Variants in SLC38A8 observed in about 807,000 individuals in gnomAD.
SLC38A8 encodes amino acid transporter SLC38A8.
Under a neutral mutation model 46.0 loss-of-function variants are expected in SLC38A8, and 65 were observed. The ratio of observed to expected loss-of-function variants is 1.41; its 90% CI spans 1.16 to 1.74. The LOEUF (loss-of-function observed/expected upper bound fraction) is 1.74. Among genes scored for constraint, SLC38A8 ranks in the 40% most tolerant of loss-of-function variants. SLC38A8 has a pLI of 0.00. For synonymous variants in SLC38A8, 447 were observed against 243.7 expected, an observed-to-expected ratio of 1.83 and a Z score of -7.77; for missense variants, 998 against 567.9, an observed-to-expected ratio of 1.76 and a Z score of -7.70.
In SLC38A8 at chr16:84,033,262, A is replaced by G. The variant is rs2085265527; in HGVS notation, c.530+66T>C. 3 of 1,607,198 alleles carry G rather than the reference A, an allele frequency of 1.9e-6. No homozygotes were observed. In the Admixed American group the frequency reaches 5.1e-5, roughly 27 times the overall value. ...CCCCAGCTCCTCTGACCCCAGATGG[A>G]CAGAAACCCTGACACAAACACTCAG... On this transcript the variant is annotated intron_variant, in intron 4 of 10. Coordinates refer to ENST00000299709, the MANE Select transcript of SLC38A8 (RefSeq NM_001080442.3).
chr16:84,034,837 G>T (rs1040511927), intron 3 of SLC38A8, among the ~76,000 whole-genome samples: 1 of 151,820 alleles, frequency 6.6e-6, no homozygotes, highest in Non-Finnish European at 1.5e-5. Context: ...TCTGCATCTG[G>T]ACCTCCCATA....
At chr16:84,012,890 C>T in intron 10 of SLC38A8, 111 bp downstream of exon 10, 1 of 1,215,192 alleles carries the variant, frequency 8.2e-7, no homozygotes, top group South Asian at 1.4e-5. Context: ...TCGCAGGTTT[C>T]TCACCTGCAG....
At chr16:84,022,527 G>C (rs2085106840) in intron 7 of SLC38A8, among the ~76,000 whole-genome samples, 1 of 152,234 alleles carries the variant, frequency 6.6e-6, no homozygotes, top group Admixed American at 6.5e-5. Context: ...GGCTAGGCTG[G>C]AGTTCAGGTC....
intron 7 of SLC38A8, among the ~76,000 whole-genome samples, chr16:84,020,580 G>C (rs969895832): frequency 7.2e-5 from 11 of 152,192 alleles, no homozygotes; most frequent in Non-Finnish European, 1.3e-4. Context: ...GCTGCAGCAC[G>C]AGCCAGATCA....
At chr16:84,013,435 T>TGTTTTTTTTGTTGTTG (rs1555551880) in intron 9 of SLC38A8, among the ~76,000 whole-genome samples, 3 of 130,696 alleles carry the variant, frequency 2.3e-5, no homozygotes, top group African/African-American at 9.5e-5. Flanking sequence ...TTTTTTTTTT[T>TGTTTTTTTTGTTGTTG]TTTTTTTTTT....
At chr16:84,040,573 C>T (rs1351763603) in intron 2 of SLC38A8, among the ~76,000 whole-genome samples, 1 of 152,212 alleles carries the variant, frequency 6.6e-6, no homozygotes, top group African/African-American at 2.4e-5. Context: ...CCCCCAAGCC[C>T]CACCTGCCCT....
At chr16:84,027,520 C>T (rs1043370842) in intron 6 of SLC38A8, among the ~76,000 whole-genome samples, 1 of 152,178 alleles carries the variant, frequency 6.6e-6, no homozygotes, top group African/African-American at 2.4e-5. Context: ...TGGGCGGGGA[C>T]GCTGTGTTTG....
intron 6 of SLC38A8, among the ~76,000 whole-genome samples, chr16:84,028,199 G>C (rs1269378737): frequency 6.6e-6 from 1 of 152,158 alleles, no homozygotes; most frequent in African/African-American, 2.4e-5. Context: ...CTGTGGACTT[G>C]ATTTTACTTT....
intron 6 of SLC38A8, among the ~76,000 whole-genome samples, chr16:84,027,882 A>T (rs2085184346): frequency 6.6e-6 from 1 of 152,154 alleles, no homozygotes; most frequent in African/African-American, 2.4e-5. Context: ...AGAGGTTCTT[A>T]AACTCAGTCC....
intron 6 of SLC38A8, among the ~76,000 whole-genome samples, chr16:84,024,164 G>A (rs2085132174): frequency 6.6e-6 from 1 of 152,260 alleles, no homozygotes; most frequent in African/African-American, 2.4e-5. Flanking sequence ...TTCCCTGGGG[G>A]TATAACCAAC....
chr16:84,022,105 T>C (rs2151117693), intron 7 of SLC38A8, among the ~76,000 whole-genome samples: 1 of 152,332 alleles, frequency 6.6e-6, no homozygotes, highest in South Asian at 2.1e-4. Flanking sequence ...AATTTCAACC[T>C]GAGTTTTTAA....
At chr16:84,028,967 T>C (rs1053625605) in intron 6 of SLC38A8, among the ~76,000 whole-genome samples, 11 of 152,128 alleles carry the variant, frequency 7.2e-5, no homozygotes, top group African/African-American at 2.7e-4. Context: ...CATGACATTC[T>C]ATTAAAAATT....
At chr16:84,039,555 G>A (rs2085343778) in intron 2 of SLC38A8, among the ~76,000 whole-genome samples, 1 of 152,054 alleles carries the variant, frequency 6.6e-6, no homozygotes, top group Non-Finnish European at 1.5e-5. Flanking sequence ...GACCATCCTG[G>A]CCAACACAGT....
intron 8 of SLC38A8, 37 bp downstream of exon 8, chr16:84,017,103 C>T (rs1470597218): frequency 6.2e-7 from 1 of 1,611,142 alleles, no homozygotes; most frequent in Admixed American, 1.7e-5. Flanking sequence ...ATCAGCAGAC[C>T]ATGCTTCACG....
chr16:84,030,392 C>T (rs1033237496), intron 5 of SLC38A8, among the ~76,000 whole-genome samples: 7 of 152,104 alleles, frequency 4.6e-5, no homozygotes, highest in South Asian at 2.1e-4. Context: ...AGAGTACCAC[C>T]GGCTCAGTGT....
At chr16:84,023,962 A>T (rs372475721) in intron 6 of SLC38A8, among the ~76,000 whole-genome samples, 2 of 152,226 alleles carry the variant, frequency 1.3e-5, no homozygotes, top group South Asian at 2.1e-4. Context: ...TTACAAGATA[A>T]ACACTTCTAC....
intron 7 of SLC38A8, 61 bp from the exon 8 acceptor site, chr16:84,017,348 A>C: frequency 6.3e-7 from 1 of 1,582,800 alleles, no homozygotes; most frequent in Non-Finnish European, 8.6e-7. Context: ...CCCCTCCCCC[A>C]CCAACAGACA....
chr16:84,013,435 T>TTTTTTTTTTTTTTTTTTTGTTG (rs2084981057), intron 9 of SLC38A8, among the ~76,000 whole-genome samples: 2 of 130,696 alleles, frequency 1.5e-5, no homozygotes, highest in Non-Finnish European at 3.2e-5. Context: ...TTTTTTTTTT[T>TTTTTTTTTTTTTTTTTTTGTTG]TTTTTTTTTT....
intron 4 of SLC38A8, among the ~76,000 whole-genome samples, chr16:84,032,697 T>G (rs1273088518): frequency 6.6e-6 from 1 of 152,126 alleles, no homozygotes; most frequent in African/African-American, 2.4e-5. Context: ...GAGGCTCGGG[T>G]TTGCTGCCTG....
Sources: gnomAD v4.1 joint callset for allele counts (sites outside exome capture counted in the v4.1 genomes callset) on GRCh38, gnomAD v4.1.1 for gene constraint, MANE v1.5 for transcripts, NCBI Gene and HGNC (gene_info 2026-07-23, HGNC 2026-07-21) for gene names.